Variants in HERC1 observed in about 807,000 individuals in gnomAD.
HERC1 encodes HECT and RLD domain containing E3 ubiquitin protein ligase family member 1.
Under a neutral mutation model 554.3 loss-of-function variants are expected in HERC1, and 160 were observed. The ratio of observed to expected loss-of-function variants is 0.29; its 90% CI spans 0.25 to 0.33. The LOEUF (loss-of-function observed/expected upper bound fraction) is 0.33. HERC1 is among the 10% of genes least tolerant of loss of function. The pLI, the probability that HERC1 is intolerant of heterozygous loss-of-function variation, is 1.00. For missense variants in HERC1, 4,919 were observed against 5,918.5 expected, an observed-to-expected ratio of 0.83 and a Z score of 5.54; for synonymous variants, 2,175 against 2,131.7, an observed-to-expected ratio of 1.02 and a Z score of -0.56.
At chr15:63,716,495 T>A (rs780334022) in intron 21 of HERC1, 22 bp from the exon 22 acceptor site, 1 of 1,535,668 alleles carries the variant, frequency 6.5e-7, no homozygotes, top group Non-Finnish European at 8.8e-7. Flanking sequence ...TATCAGAAAC[T>A]ACACTAAATA....
chr15:63,731,205 T>C (rs561518069), intron 14 of HERC1, among the ~76,000 whole-genome samples: 17 of 152,344 alleles, frequency 1.1e-4, no homozygotes, highest in African/African-American at 4.1e-4. Flanking sequence ...TTTTTTCCTG[T>C]AAATAATCAT....
intron 65 of HERC1, among the ~76,000 whole-genome samples, chr15:63,635,631 T>C (rs1374085275): frequency 6.6e-6 from 1 of 152,232 alleles, no homozygotes; most frequent in Non-Finnish European, 1.5e-5. Flanking sequence ...AAGCAAAGTT[T>C]TCCTTTTATC....
At chr15:63,714,927 A>G (rs1336479481) in intron 22 of HERC1, among the ~76,000 whole-genome samples, 2 of 152,092 alleles carry the variant, frequency 1.3e-5, no homozygotes, top group Non-Finnish European at 2.9e-5. Context: ...GGAAGTACAA[A>G]CTTTAAAAAT....
At chr15:63,673,104 A>C (rs2071018498) in intron 38 of HERC1, among the ~76,000 whole-genome samples, 1 of 152,242 alleles carries the variant, frequency 6.6e-6, no homozygotes, top group African/African-American at 2.4e-5. Flanking sequence ...AGATAAAAGC[A>C]TGTAAATACA....
In HERC1 at chr15:63,692,574, G is replaced by A. The variant is rs758567629; in HGVS notation, c.5675-8C>T. 7.6e-6 allele frequency: 12 copies of A among 1,588,236 alleles called. No homozygotes were observed. The highest frequency in any genetic ancestry group is 1.2e-5 in the South Asian group (1 of 86,370). ...GTTGTTTCCTAAGAGCAGCTACAGT[G>A]AAGAGACAAGTTTACGTTACAACCA... On this transcript the variant is annotated splice_polypyrimidine_tract_variant and splice_region_variant and intron_variant, in intron 30 of 77. Transcript: ENST00000443617. This position sits in a 1 kb window ranked among gnomAD's most constrained non-coding sequence, Gnocchi z 4.7.
chr15:63,794,471 G>A (rs2076750399), intron 1 of HERC1, among the ~76,000 whole-genome samples: 1 of 152,056 alleles, frequency 6.6e-6, no homozygotes. Context: ...TTGGGGATGG[G>A]GCTGAAAGTA....
chr15:63,681,968 C>T (rs762552821), intron 34 of HERC1, among the ~76,000 whole-genome samples: 7 of 152,142 alleles, frequency 4.6e-5, no homozygotes, highest in South Asian at 2.1e-4. Context: ...AGTGTATCAA[C>T]GTGTGGAGTC....
chr15:63,719,378 G>C (rs1330083051), intron 19 of HERC1, among the ~76,000 whole-genome samples: 4 of 152,260 alleles, frequency 2.6e-5, no homozygotes, highest in African/African-American at 9.6e-5. Flanking sequence ...AAGGAGGCCA[G>C]TGTGGCTGGG....
chr15:63,705,377 G>A (rs1010920513), intron 25 of HERC1, among the ~76,000 whole-genome samples: 3 of 151,328 alleles, frequency 2.0e-5, no homozygotes, highest in South Asian at 2.1e-4. Flanking sequence ...CTAGCCTTCC[G>A]AAGTGCTGGG....
chr15:63,744,444 C>A (rs1447078950), intron 12 of HERC1, among the ~76,000 whole-genome samples: 1 of 152,086 alleles, frequency 6.6e-6, no homozygotes, highest in South Asian at 2.1e-4. Flanking sequence ...AGTGAGGTCC[C>A]CCAAGCCTCA....
At chr15:63,747,254 G>A (rs1454030213) in intron 11 of HERC1, among the ~76,000 whole-genome samples, 171 bp from the exon 12 acceptor site, 1 of 152,152 alleles carries the variant, frequency 6.6e-6, no homozygotes, top group Non-Finnish European at 1.5e-5. Context: ...GAAGTCAGGA[G>A]TTAGAGACTA....
At chr15:63,691,550 CAT>C (rs2072110638) in intron 31 of HERC1, among the ~76,000 whole-genome samples, 1 of 151,512 alleles carries the variant, frequency 6.6e-6, no homozygotes, top group Non-Finnish European at 1.5e-5. Context: ...TTAAAAAATA[CAT>C]ATAACTGTAA....
chr15:63,641,851 A>C (rs2069079037), intron 59 of HERC1, among the ~76,000 whole-genome samples: 1 of 152,162 alleles, frequency 6.6e-6, no homozygotes, highest in African/African-American at 2.4e-5. Context: ...AAATAATAAA[A>C]TTTGTGAACT....
chr15:63,812,197 A>G (rs2077345306), intron 1 of HERC1, among the ~76,000 whole-genome samples: 1 of 152,240 alleles, frequency 6.6e-6, no homozygotes. Context: ...GTGTTTTTAC[A>G]AATTACACAG....
At chr15:63,797,954 C>T (rs1282264823) in intron 1 of HERC1, among the ~76,000 whole-genome samples, 2 of 152,152 alleles carry the variant, frequency 1.3e-5, no homozygotes, top group Non-Finnish European at 2.9e-5. Flanking sequence ...AAGTCCAGTG[C>T]TATTTTCACT....
intron 27 of HERC1, among the ~76,000 whole-genome samples, 173 bp downstream of exon 27, chr15:63,695,951 G>A (rs1391568705): frequency 2.0e-5 from 3 of 152,116 alleles, no homozygotes; most frequent in Admixed American, 6.6e-5. Flanking sequence ...TAATACCACA[G>A]CTCACCTAAT....
intron 12 of HERC1, among the ~76,000 whole-genome samples, chr15:63,736,321 A>G (rs2074502894): frequency 6.6e-6 from 1 of 152,166 alleles, no homozygotes; most frequent in African/African-American, 2.4e-5. Context: ...ACCAAACTAA[A>G]ATTGGGTGAT....
intron 24 of HERC1, among the ~76,000 whole-genome samples, chr15:63,708,114 T>C (rs1470373862): frequency 4.6e-5 from 7 of 152,100 alleles, no homozygotes; most frequent in Non-Finnish European, 1.0e-4. Flanking sequence ...CTTGGACCAT[T>C]TGGTGCTGGA....
chr15:63,626,866 G>A (rs1221370092), intron 70 of HERC1, among the ~76,000 whole-genome samples: 4 of 152,116 alleles, frequency 2.6e-5, no homozygotes, highest in African/African-American at 9.7e-5. Flanking sequence ...TATGTGCCTG[G>A]CACTATTCTA....
Sources: gnomAD v4.1 joint callset for allele counts (sites outside exome capture counted in the v4.1 genomes callset) on GRCh38, gnomAD v4.1.1 for gene constraint, Gnocchi (gnomAD v3.1) non-coding constraint, MANE v1.5 for transcripts, NCBI Gene and HGNC (gene_info 2026-07-23, HGNC 2026-07-21) for gene names.